Variants in FAM184B observed in about 807,000 individuals in gnomAD.
FAM184B encodes protein FAM184B.
A neutral mutation model predicts 135.9 loss-of-function variants in FAM184B; 111 were observed. That is an observed-to-expected ratio of 0.82 (90% CI 0.70 to 0.96). The LOEUF (loss-of-function observed/expected upper bound fraction) is 0.96, where lower values mean the gene tolerates loss of function less well. FAM184B is among the 40% of genes least tolerant of loss of function. FAM184B has a pLI of 0.00. For missense variants in FAM184B, 1,375 were observed against 1,323.9 expected, an observed-to-expected ratio of 1.04 and a Z score of -0.60; for synonymous variants, 552 against 524.8, an observed-to-expected ratio of 1.05 and a Z score of -0.71.
intron 7 of FAM184B, among the ~76,000 whole-genome samples, chr4:17,672,093 C>G (rs1321650151): frequency 6.6e-6 from 1 of 152,106 alleles, no homozygotes; most frequent in Non-Finnish European, 1.5e-5. Context: ...AAGAACCATA[C>G]TGAGACAGAT....
intron 1 of FAM184B, among the ~76,000 whole-genome samples, chr4:17,742,168 A>ATATATATATATTTTTT (rs1459958150): frequency 9.1e-6 from 1 of 109,310 alleles, no homozygotes; most frequent in African/African-American, 4.8e-5. Flanking sequence ...ATATATATAT[A>ATATATATATATTTTTT]TTTTTTTTTT....
chr4:17,683,082 C>A (rs1716485871), intron 7 of FAM184B, among the ~76,000 whole-genome samples: 1 of 152,246 alleles, frequency 6.6e-6, no homozygotes, highest in Non-Finnish European at 1.5e-5. Context: ...GCTGCTCACA[C>A]CTCATCTAGA....
intron 16 of FAM184B, among the ~76,000 whole-genome samples, chr4:17,634,739 A>T (rs1203528031): frequency 2.0e-5 from 3 of 152,222 alleles, no homozygotes; most frequent in African/African-American, 7.2e-5. Context: ...GAAGTGGAAG[A>T]TTCTTACTCT....
At chr4:17,688,395 T>C in intron 7 of FAM184B, 29 bp downstream of exon 7, 2 of 1,489,550 alleles carry the variant, frequency 1.3e-6, no homozygotes, top group Non-Finnish European at 1.8e-6. Context: ...GAAATATCTT[T>C]AATTAAATCT....
chr4:17,658,618 T>G lies in FAM184B; in HGVS notation c.1825-56A>C. Reference sequence around the variant, plus strand: ...AGCCCCTTGCCTTTCCTGGGATGTTTTCTTCAAATAAAAGCTTTCTAAATG... The same window carrying G: ...AGCCCCTTGCCTTTCCTGGGATGTTGTCTTCAAATAAAAGCTTTCTAAATG... On this transcript the variant is annotated intron_variant, in intron 9 of 17. Transcript: ENST00000265018. 2.0e-6 allele frequency: 3 copies of G among 1,490,132 alleles called. No homozygotes were observed. The African/African-American group carries it at 4.2e-5, about 21-fold the overall frequency. The allele number at this position is 1,490,132 out of a possible 1,614,324, so 92.3% of individuals were successfully genotyped here. A position where few individuals can be genotyped will look rare whatever the true frequency, so the allele number is the denominator to read the frequency against.
chr4:17,638,261 T>A (rs1227623157), intron 14 of FAM184B, among the ~76,000 whole-genome samples: 1 of 149,864 alleles, frequency 6.7e-6, no homozygotes, highest in Admixed American at 6.8e-5. Context: ...CAATCACAGA[T>A]CACTGCAACC....
At chr4:17,684,916 A>G (rs1338481476) in intron 7 of FAM184B, among the ~76,000 whole-genome samples, 2 of 152,156 alleles carry the variant, frequency 1.3e-5, no homozygotes, top group Non-Finnish European at 2.9e-5. Flanking sequence ...GCTGGAAGCC[A>G]TTATCCTCAG....
rs149681932 is a variant in FAM184B, at chr4:17,643,931, A to C, written c.2347-1703T>G. 3.2e-3 allele frequency among the ~76,000 whole-genome samples: 489 copies of C among 152,290 alleles called. 4 individuals are homozygous for C. The highest frequency in any genetic ancestry group is 0.011 in the African/African-American group (460 of 41,552). ...ACATCTATGAAATGGCATGTCCCCA[A>C]CAGGACCGGGCGGTAGATCCTAGAG... On this transcript the variant is annotated intron_variant, in intron 12 of 17. Coordinates refer to ENST00000265018, the MANE Select transcript of FAM184B (RefSeq NM_015688.2).
chr4:17,631,521 T>C lies in FAM184B; in HGVS notation c.*1011A>G, dbSNP rs1714943623. 6.6e-6 allele frequency: 1 copy of C among 152,238 alleles called. No homozygotes were observed. Among genetic ancestry groups the C allele is most frequent in the Non-Finnish European group, 1.5e-5 (1 of 68,034 alleles). The allele number at this position is 152,238 out of a possible 1,614,324, so 9.4% of individuals were successfully genotyped here. On this transcript the variant is annotated 3_prime_UTR_variant, in exon 18 of 18. Coordinates refer to ENST00000265018, the MANE Select transcript of FAM184B (RefSeq NM_015688.2). Reference sequence around the variant, plus strand: ...CTAGAGACCTTCACAAGTGATCATGTTGGCACTATGGTCATTACACTGAGA... The same window carrying C: ...CTAGAGACCTTCACAAGTGATCATGCTGGCACTATGGTCATTACACTGAGA...
Position 17,641,783 on chromosome 4 carries a change from C to T in FAM184B, c.2519+273G>A, listed in dbSNP as rs1249049365. Among the ~76,000 whole-genome samples the T allele has an allele frequency of 2.0e-5, 3 of 151,400 alleles. No homozygotes were observed. The East Asian group carries it at 5.9e-4, about 30-fold the overall frequency. On this transcript the variant is annotated intron_variant, in intron 13 of 17. Coordinates refer to ENST00000265018, the MANE Select transcript of FAM184B (RefSeq NM_015688.2). ...AAAGTGCTGGGATTACAGGCGTGAG[C>T]CACCGCGCCCAGCCAGACTCCCTCT...
intron 1 of FAM184B, among the ~76,000 whole-genome samples, chr4:17,712,369 C>G (rs1226721913): frequency 6.6e-6 from 1 of 152,168 alleles, no homozygotes; most frequent in East Asian, 1.9e-4. Context: ...GAGAACAATG[C>G]AAGAGAAGCT....
intron 1 of FAM184B, among the ~76,000 whole-genome samples, chr4:17,722,772 G>A (rs1468784228): frequency 1.3e-5 from 2 of 152,166 alleles, no homozygotes; most frequent in African/African-American, 4.8e-5. Context: ...TTCAAATCTC[G>A]AATGACTTGC....
Position 17,712,789 on chromosome 4 carries a change from A to G in FAM184B, c.142-3145T>C, listed in dbSNP as rs80208772. On this transcript the variant is annotated intron_variant, in intron 1 of 17. Transcript: ENST00000265018. The stretch of plus-strand genomic sequence containing the variant: ...TGGCTTTAAAAAAAAGTCAAAAACT[A>G]GAGGCTTAGATAATTATGAAATAGA... Among the ~76,000 whole-genome samples, 316 of 152,348 alleles carry G rather than the reference A, an allele frequency of 2.1e-3. 1 individual carries two copies. The highest frequency in any genetic ancestry group is 6.8e-3 in the African/African-American group (284 of 41,568).
At chr4:17,710,844 G>A (rs567156052) in intron 1 of FAM184B, among the ~76,000 whole-genome samples, 6 of 152,216 alleles carry the variant, frequency 3.9e-5, no homozygotes, top group South Asian at 2.1e-4. Context: ...GAAGAAAATC[G>A]GGAAGTCTAA....
rs1276152436 is a variant in FAM184B at position 17,719,638 on chromosome 4, C to T, written c.142-9994G>A. ...ATTACCATTAGTGGATCACTCCTATCAATACATAACTGTGCTGTAATTTTT... is the reference window on the plus strand; with the variant it reads ...ATTACCATTAGTGGATCACTCCTATTAATACATAACTGTGCTGTAATTTTT... On this transcript the variant is annotated intron_variant, in intron 1 of 17. Coordinates refer to ENST00000265018, the MANE Select transcript of FAM184B (RefSeq NM_015688.2). 2.0e-5 allele frequency among the ~76,000 whole-genome samples: 3 copies of T among 152,192 alleles called. No homozygotes were observed. The East Asian group carries it at 5.8e-4, about 29-fold the overall frequency.
intron 1 of FAM184B, among the ~76,000 whole-genome samples, chr4:17,728,816 G>A (rs34070554): frequency 0.27 from 41,113 of 152,102 alleles, 5,895 homozygotes; most frequent in Non-Finnish European, 0.31. Flanking sequence ...AGCTCCCAGC[G>A]TGAGCGACAC....
intron 1 of FAM184B, among the ~76,000 whole-genome samples, chr4:17,753,719 C>A (rs1485434899): frequency 6.6e-6 from 1 of 152,188 alleles, no homozygotes. Flanking sequence ...CAGGTGAATG[C>A]AGTTTGTCCA....
intron 7 of FAM184B, among the ~76,000 whole-genome samples, chr4:17,683,961 A>G (rs1241493298): frequency 6.6e-6 from 1 of 151,732 alleles, no homozygotes; most frequent in East Asian, 1.9e-4. Flanking sequence ...CTGTAGTCCC[A>G]GCCACTCAGG....
chr4:17,692,187 G>A (rs919285930), intron 6 of FAM184B, among the ~76,000 whole-genome samples: 18 of 152,252 alleles, frequency 1.2e-4, no homozygotes, highest in African/African-American at 4.3e-4. Context: ...AAGAGATGGA[G>A]GGAGGGAGAA....
Sources: allele counts gnomAD v4.1 joint callset (sites outside exome capture counted in the v4.1 genomes callset), GRCh38; gene constraint gnomAD v4.1.1; transcripts MANE v1.5; gene names NCBI Gene and HGNC (gene_info 2026-07-23, HGNC 2026-07-21).